ZMAT4: variants seen among roughly 807,000 people sequenced by gnomAD.
ZMAT4 encodes the protein zinc finger matrin-type 4.
In ZMAT4, 17 loss-of-function variants were observed where a neutral mutation model predicts 28.7. That is an observed-to-expected ratio of 0.59 (90% CI 0.41 to 0.89). The LOEUF (loss-of-function observed/expected upper bound fraction) is 0.89, where lower values mean the gene tolerates loss of function less well. Ranked by LOEUF, ZMAT4 falls within the 40% of genes least tolerant of loss-of-function variation. The pLI is 0.00. For missense variants in ZMAT4, 240 were observed against 283.8 expected (o/e 0.85, Z 1.11); for synonymous variants, 117 against 109.2 (o/e 1.07, Z -0.44).
At chr8:40,613,284 G>A (rs558438561) in intron 5 of ZMAT4, among the ~76,000 whole-genome samples, 5 of 140,298 alleles carry the variant, frequency 3.6e-5, no homozygotes, top group African/African-American at 1.3e-4. Flanking sequence ...CTGGGTTCAA[G>A]CAATCCTCCT....
chr8:40,608,554 G>A (rs1477088169), intron 5 of ZMAT4, among the ~76,000 whole-genome samples: 3 of 152,110 alleles, frequency 2.0e-5, no homozygotes, highest in Admixed American at 6.6e-5. Flanking sequence ...CACCTGCCAC[G>A]GTTTTTGTGC....
chr8:40,564,519 A>T (rs901218092), intron 6 of ZMAT4, among the ~76,000 whole-genome samples: 3 of 152,160 alleles, frequency 2.0e-5, no homozygotes, highest in Non-Finnish European at 2.9e-5. Flanking sequence ...CTGCCTGCAA[A>T]GTAGACAAAA....
At chr8:40,778,376 A>T (rs559225239) in intron 2 of ZMAT4, among the ~76,000 whole-genome samples, 1 of 152,346 alleles carries the variant, frequency 6.6e-6, no homozygotes, top group East Asian at 1.9e-4. Context: ...TGCACAGAAC[A>T]GCCTATCTGT....
intron 5 of ZMAT4, among the ~76,000 whole-genome samples, chr8:40,642,015 T>C (rs1807054285): frequency 6.6e-6 from 1 of 152,212 alleles, no homozygotes; most frequent in Non-Finnish European, 1.5e-5. Flanking sequence ...TGATTGAAAT[T>C]TAAACTTTTA....
chr8:40,847,231 CTG>C (rs1491218565), intron 1 of ZMAT4, among the ~76,000 whole-genome samples: 1 of 139,264 alleles, frequency 7.2e-6, no homozygotes, highest in African/African-American at 2.6e-5. Flanking sequence ...AAAAAAAAAA[CTG>C]GGGGAAATCC....
chr8:40,849,893 T>C (rs926460826), intron 1 of ZMAT4, among the ~76,000 whole-genome samples: 2 of 152,150 alleles, frequency 1.3e-5, no homozygotes, highest in South Asian at 4.1e-4. Context: ...CATCAGCAAG[T>C]GTGCTGCCCC....
intron 1 of ZMAT4, among the ~76,000 whole-genome samples, chr8:40,881,460 A>AAAGAAAGT (rs1818233786): frequency 3.4e-5 from 5 of 146,254 alleles, no homozygotes; most frequent in African/African-American, 1.3e-4. Context: ...AGAAAGAAAG[A>AAAGAAAGT]AAGAAAGAAA....
chr8:40,627,575 T>C (rs1339014445), intron 5 of ZMAT4, among the ~76,000 whole-genome samples: 1 of 152,242 alleles, frequency 6.6e-6, no homozygotes, highest in Non-Finnish European at 1.5e-5. Context: ...TGATTTGAAT[T>C]ATAATTTTTC....
chr8:40,776,258 T>C (rs772940562), intron 2 of ZMAT4, among the ~76,000 whole-genome samples: 9 of 152,218 alleles, frequency 5.9e-5, no homozygotes, highest in Non-Finnish European at 7.3e-5. Context: ...TTCCAAAATA[T>C]GTTTAAAACA....
chr8:40,653,449 T>C (rs1430458308), intron 5 of ZMAT4, among the ~76,000 whole-genome samples: 1 of 151,788 alleles, frequency 6.6e-6, no homozygotes, highest in Non-Finnish European at 1.5e-5. Flanking sequence ...AAAACAATAA[T>C]GGAAGTCAAC....
chr8:40,559,305 G>A (rs1304009182), intron 6 of ZMAT4, among the ~76,000 whole-genome samples: 2 of 152,138 alleles, frequency 1.3e-5, no homozygotes, highest in African/African-American at 4.8e-5. Context: ...CACATACAGG[G>A]CCTAATTATA....
intron 2 of ZMAT4, among the ~76,000 whole-genome samples, chr8:40,810,938 T>C (rs187946656): frequency 1.3e-5 from 2 of 152,266 alleles, no homozygotes; most frequent in Admixed American, 1.3e-4. Flanking sequence ...AGCTTTATAA[T>C]AATTAAGAAA....
chr8:40,893,249 G>A (rs565870956), intron 1 of ZMAT4, among the ~76,000 whole-genome samples: 11 of 152,150 alleles, frequency 7.2e-5, no homozygotes, highest in South Asian at 2.1e-4. Context: ...ACCATGGCCC[G>A]CACGAGAGGA....
chr8:40,747,695 C>T (rs539262200), intron 3 of ZMAT4, among the ~76,000 whole-genome samples: 1 of 152,256 alleles, frequency 6.6e-6, no homozygotes, highest in African/African-American at 2.4e-5. Context: ...CAAGACATTG[C>T]AGGCCACAAT....
intron 3 of ZMAT4, among the ~76,000 whole-genome samples, chr8:40,726,136 C>G (rs1043319625): frequency 1.3e-5 from 2 of 152,214 alleles, no homozygotes; most frequent in Admixed American, 1.3e-4. Flanking sequence ...GAATTAAAGA[C>G]TTTTCCATTT....
intron 2 of ZMAT4, among the ~76,000 whole-genome samples, chr8:40,816,090 G>A (rs576993695): frequency 1.3e-5 from 2 of 152,250 alleles, no homozygotes; most frequent in South Asian, 4.2e-4. Flanking sequence ...CACCAAACCA[G>A]TTTCATTTTC....
At chr8:40,830,755 T>C (rs947037284) in intron 1 of ZMAT4, among the ~76,000 whole-genome samples, 1 of 152,176 alleles carries the variant, frequency 6.6e-6, no homozygotes. Flanking sequence ...AACTTCTGAC[T>C]CAGAGAGCCC....
At chr8:40,738,662 C>A (rs1024982581) in intron 3 of ZMAT4, among the ~76,000 whole-genome samples, 1 of 152,100 alleles carries the variant, frequency 6.6e-6, no homozygotes, top group Admixed American at 6.6e-5. Context: ...AAAGTCCTTG[C>A]GCGAAGAGAG....
At chr8:40,766,160 AG>A (rs1378292503) in intron 3 of ZMAT4, among the ~76,000 whole-genome samples, 2 of 152,206 alleles carry the variant, frequency 1.3e-5, no homozygotes, top group Non-Finnish European at 2.9e-5. Context: ...TTCCCTGACC[AG>A]AGCCCCTTGG....
Sources: gnomAD v4.1 joint callset for allele counts (sites outside exome capture counted in the v4.1 genomes callset) on GRCh38, gnomAD v4.1.1 for gene constraint, MANE v1.5 for transcripts, NCBI Gene and HGNC (gene_info 2026-07-23, HGNC 2026-07-21) for gene names.